FAM120A: variants seen among roughly 807,000 people sequenced by gnomAD.
FAM120A encodes the protein constitutive coactivator of PPAR-gamma-like protein 1.
Under a neutral mutation model 109.7 loss-of-function variants are expected in FAM120A, and 15 were observed. That is an observed-to-expected ratio of 0.14 (90% CI 0.09 to 0.21). The LOEUF (loss-of-function observed/expected upper bound fraction) is 0.21. Among genes scored for constraint, FAM120A ranks in the 10% least tolerant of loss-of-function variants. FAM120A has a pLI of 1.00. For missense variants in FAM120A, 899 were observed against 1,439.3 expected (o/e 0.62, Z 6.07); for synonymous variants, 493 against 572.8 (o/e 0.86, Z 1.99).
intron 1 of FAM120A, among the ~76,000 whole-genome samples, chr9:93,469,096 C>G (rs1204409154): frequency 2.0e-5 from 3 of 152,232 alleles, no homozygotes; most frequent in Non-Finnish European, 4.4e-5. Flanking sequence ...TGCCCAGGGC[C>G]AGCCCCTCCT....
chr9:93,495,368 A>T (rs10512223), intron 3 of FAM120A, among the ~76,000 whole-genome samples: 42,542 of 152,150 alleles, frequency 0.28, 7,035 homozygotes, highest in East Asian at 0.44. Flanking sequence ...CACCGTTATA[A>T]CTCACTGGAA....
chr9:93,457,550 A>G (rs1022844371), intron 1 of FAM120A, among the ~76,000 whole-genome samples: 2 of 152,182 alleles, frequency 1.3e-5, no homozygotes, highest in African/African-American at 2.4e-5. Flanking sequence ...TGGTATACAC[A>G]TGATATATAC....
intron 10 of FAM120A, among the ~76,000 whole-genome samples, chr9:93,534,933 C>A (rs938879447): frequency 7.2e-5 from 11 of 152,180 alleles, no homozygotes. Flanking sequence ...GCCCAGCCAG[C>A]TGCACTTATT....
intron 10 of FAM120A, among the ~76,000 whole-genome samples, chr9:93,533,433 G>A (rs1331418949): frequency 6.6e-6 from 1 of 152,188 alleles, no homozygotes; most frequent in Admixed American, 6.5e-5. Context: ...ACTGTCACTG[G>A]CAGGAGGTGA....
intron 11 of FAM120A, among the ~76,000 whole-genome samples, chr9:93,544,514 ATTCGT>A (rs1334089498): frequency 6.6e-6 from 1 of 152,148 alleles, no homozygotes; most frequent in Non-Finnish European, 1.5e-5. Context: ...TTTGGAGTTG[ATTCGT>A]TTGGTTTGGT....
intron 10 of FAM120A, among the ~76,000 whole-genome samples, chr9:93,540,829 G>A (rs528462755): frequency 1.2e-4 from 18 of 152,140 alleles, no homozygotes; most frequent in Middle Eastern, 3.4e-3. Context: ...TTGAAATTGA[G>A]AAGGAAAATC....
chr9:93,531,365 T>TCACCA (rs1861323834), intron 9 of FAM120A: 2 of 152,220 alleles, frequency 1.3e-5, no homozygotes, highest in South Asian at 4.1e-4. Context: ...CATAAATGCA[T>TCACCA]TGTTGTGCTC....
chr9:93,533,834 C>A (rs564785940), intron 10 of FAM120A, among the ~76,000 whole-genome samples: 1 of 152,256 alleles, frequency 6.6e-6, no homozygotes, highest in African/African-American at 2.4e-5. Context: ...ACTGCAGTGG[C>A]TTCATGGTAG....
intron 3 of FAM120A, among the ~76,000 whole-genome samples, chr9:93,491,242 T>TA (rs1178413912): frequency 6.6e-6 from 1 of 152,012 alleles, no homozygotes; most frequent in Non-Finnish European, 1.5e-5. Flanking sequence ...AGGTTTTTTT[T>TA]AAAAAACAAA....
chr9:93,517,492 G>A (rs930750482), intron 7 of FAM120A, among the ~76,000 whole-genome samples: 4 of 152,136 alleles, frequency 2.6e-5, no homozygotes, highest in African/African-American at 9.7e-5. Context: ...CTGCTTGATG[G>A]TCTTGGAAGC....
intron 17 of FAM120A, among the ~76,000 whole-genome samples, chr9:93,562,698 T>C (rs1277476146): frequency 1.4e-5 from 2 of 148,012 alleles, no homozygotes; most frequent in African/African-American, 2.5e-5. Flanking sequence ...GGAGTCTCGC[T>C]CTATTGCCCA....
chr9:93,527,135 C>T lies in FAM120A; in HGVS notation c.1419-20C>T. On this transcript the variant is annotated intron_variant, in intron 7 of 17. Transcript: ENST00000277165. ...TTTGTGAAAGTGATTGGACAGTAATCATGTTCATTTTATGTTTAGCCATAT... is the reference window on the plus strand; with the variant it reads ...TTTGTGAAAGTGATTGGACAGTAATTATGTTCATTTTATGTTTAGCCATAT... 6.2e-7 allele frequency: 1 copy of T among 1,608,494 alleles called. No individual in the cohort carries two copies. The highest frequency in any genetic ancestry group is 1.1e-5 in the South Asian group (1 of 90,942).
At chr9:93,497,312 A>G (rs1047577591) in intron 3 of FAM120A, among the ~76,000 whole-genome samples, 159 bp from the exon 4 acceptor site, 3 of 152,256 alleles carry the variant, frequency 2.0e-5, no homozygotes, top group Non-Finnish European at 2.9e-5. Flanking sequence ...TGAACGGCTT[A>G]GGAAAGTCTT....
chr9:93,469,596 G>A (rs1222165240), intron 1 of FAM120A, among the ~76,000 whole-genome samples: 2 of 152,098 alleles, frequency 1.3e-5, no homozygotes, highest in African/African-American at 4.8e-5. Context: ...AGAAGTGAGA[G>A]GATGAAGCAG....
chr9:93,492,607 T>C (rs1027487449), intron 3 of FAM120A, among the ~76,000 whole-genome samples: 2 of 152,122 alleles, frequency 1.3e-5, no homozygotes, highest in African/African-American at 4.8e-5. Flanking sequence ...AAGGCTAGAT[T>C]AGGAGCCATC....
chr9:93,462,315 C>CT (rs1353026455), intron 1 of FAM120A, among the ~76,000 whole-genome samples: 2 of 152,174 alleles, frequency 1.3e-5, no homozygotes, highest in Non-Finnish European at 2.9e-5. Context: ...GAGTCTCGCT[C>CT]TGTCACCAAG....
At chr9:93,510,629 T>G (rs1860276035) in intron 5 of FAM120A, among the ~76,000 whole-genome samples, 1 of 152,210 alleles carries the variant, frequency 6.6e-6, no homozygotes, top group Non-Finnish European at 1.5e-5. Flanking sequence ...GATTTTTGTT[T>G]GTTTGTTTTT....
chr9:93,560,287 C>T (rs1441011542), intron 15 of FAM120A, among the ~76,000 whole-genome samples: 1 of 151,502 alleles, frequency 6.6e-6, no homozygotes, highest in Non-Finnish European at 1.5e-5. Flanking sequence ...GAGCGAGACC[C>T]TGTCTTAAAA....
chr9:93,490,263 A>G (rs1859256419), intron 3 of FAM120A, among the ~76,000 whole-genome samples: 2 of 152,150 alleles, frequency 1.3e-5, no homozygotes, highest in South Asian at 4.1e-4. Flanking sequence ...ATTTATATTC[A>G]TTTGCATTTT....
Sources: allele counts gnomAD v4.1 joint callset (sites outside exome capture counted in the v4.1 genomes callset), GRCh38; gene constraint gnomAD v4.1.1; transcripts MANE v1.5; gene names NCBI Gene and HGNC (gene_info 2026-07-23, HGNC 2026-07-21).